The following PRKN variants were observed in gnomAD, a reference collection of about 807,000 sequenced individuals.
The protein encoded by PRKN is parkin RBR E3 ubiquitin protein ligase.
A neutral mutation model predicts 59.5 loss-of-function variants in PRKN; 56 were observed. That is an observed-to-expected ratio of 0.94 (90% confidence interval 0.76 to 1.18). PRKN has a LOEUF of 1.18. PRKN is among the 50% of genes most tolerant of loss of function. The pLI is 0.00. For missense variants in PRKN, 657 were observed against 596.4 expected (o/e 1.10, Z -1.06); for synonymous variants, 250 against 222.1 (o/e 1.13, Z -1.12).
chr6:162,690,232 T>C (rs962982314), intron 1 of PRKN, among the ~76,000 whole-genome samples: 1 of 152,044 alleles, frequency 6.6e-6, no homozygotes, highest in African/African-American at 2.4e-5. Flanking sequence ...AGGTGCCAAG[T>C]ACTATTCTAA....
intron 4 of PRKN, among the ~76,000 whole-genome samples, chr6:162,094,501 A>G (rs1284997035): frequency 6.6e-6 from 1 of 152,100 alleles, no homozygotes; most frequent in Non-Finnish European, 1.5e-5. Flanking sequence ...AAACAAATAA[A>G]GTAATTAATT....
chr6:161,641,020 G>C (rs983290842), intron 7 of PRKN, among the ~76,000 whole-genome samples: 18 of 152,212 alleles, frequency 1.2e-4, no homozygotes, highest in Non-Finnish European at 5.9e-5. Context: ...TATAGTGAAA[G>C]AGATCTGACC....
rs561456222 is a variant in PRKN at position 162,287,421 on chromosome 6, A to G, written c.172-24656T>C. On this transcript the variant is annotated intron_variant, in intron 2 of 11. Transcript: ENST00000366898. ...GTCTCTACAAAAAAATATAAAAATC[A>G]GCTGGGCATGGTGGCACATGCCTGT... 1.8e-4 allele frequency among the ~76,000 whole-genome samples: 28 copies of G among 152,196 alleles called. 1 individual carries two copies. In the East Asian group the frequency reaches 5.2e-3, roughly 28 times the overall value.
At chr6:162,457,056 C>T (rs1398027735) in intron 1 of PRKN, among the ~76,000 whole-genome samples, 1 of 152,168 alleles carries the variant, frequency 6.6e-6, no homozygotes, top group Non-Finnish European at 1.5e-5. Flanking sequence ...AACACTCAAC[C>T]TCAACTGAGA....
intron 7 of PRKN, among the ~76,000 whole-genome samples, chr6:161,680,768 TA>T (rs1447897624): frequency 0.022 from 440 of 19,888 alleles, 5 homozygotes; most frequent in Non-Finnish European, 0.032. Context: ...TATATATATA[TA>T]TATATATTTT....
chr6:161,351,113 T>C (rs1357040323), intron 11 of PRKN, among the ~76,000 whole-genome samples: 1 of 124,866 alleles, frequency 8.0e-6, no homozygotes, highest in Non-Finnish European at 1.6e-5. Context: ...ATTTAAAATA[T>C]ATATAAATAT....
chr6:161,595,106 T>C (rs566499900), intron 7 of PRKN, among the ~76,000 whole-genome samples: 18 of 152,362 alleles, frequency 1.2e-4, no homozygotes, highest in East Asian at 7.7e-4. Flanking sequence ...GTTGACTCCA[T>C]AGTGTGACTA....
At chr6:161,855,591 C>T (rs1255252212) in intron 6 of PRKN, among the ~76,000 whole-genome samples, 1 of 121,468 alleles carries the variant, frequency 8.2e-6, no homozygotes, top group Non-Finnish European at 1.8e-5. Context: ...CTATTGTTCA[C>T]TTTCATACTG....
chr6:161,478,358 C>G (rs532280831), intron 9 of PRKN, among the ~76,000 whole-genome samples: 1 of 152,278 alleles, frequency 6.6e-6, no homozygotes, highest in Non-Finnish European at 1.5e-5. Context: ...GAGATTTACA[C>G]ATTGTAGATG....
chr6:162,239,156 G>A (rs890079827), intron 3 of PRKN, among the ~76,000 whole-genome samples: 2 of 152,094 alleles, frequency 1.3e-5, no homozygotes, highest in African/African-American at 4.8e-5. Context: ...GGATTTGATG[G>A]TATGTAGTAA....
At chr6:161,693,687 T>A (rs1317352445) in intron 7 of PRKN, among the ~76,000 whole-genome samples, 2 of 152,202 alleles carry the variant, frequency 1.3e-5, no homozygotes, top group African/African-American at 4.8e-5. Flanking sequence ...CCCAATGTAA[T>A]CATCACGAAA....
In PRKN at chr6:162,424,563, G is replaced by A. The variant is rs915286741; in HGVS notation, c.171+18747C>T. 5.9e-5 allele frequency among the ~76,000 whole-genome samples: 9 copies of A among 151,904 alleles called. No homozygotes were observed. In the East Asian group the frequency reaches 1.2e-3, roughly 20 times the overall value. ...AGCCTGGCCAAGATGGTGAAATCCC[G>A]TCTCTACTAAAAATACAAAAAAATT... On this transcript the variant is annotated intron_variant, in intron 2 of 11. Coordinates refer to ENST00000366898, the MANE Select transcript of PRKN (RefSeq NM_004562.3).
At chr6:161,725,536 A>C (rs928031005) in intron 7 of PRKN, among the ~76,000 whole-genome samples, 12 of 152,184 alleles carry the variant, frequency 7.9e-5, no homozygotes, top group Non-Finnish European at 1.3e-4. Context: ...TTAAGGTACA[A>C]ATTTCAAAGA....
In PRKN at chr6:161,502,958, T is replaced by C. The variant is rs905290338; in HGVS notation, c.1083+45896A>G. On this transcript the variant is annotated intron_variant, in intron 9 of 11. Transcript: ENST00000366898. This position sits in a 1 kb window ranked among gnomAD's most constrained non-coding sequence, Gnocchi z 4.0. Reference sequence around the variant, plus strand: ...ATTGTAGGAGGAGAACAGCACTTACTTCATGCATTTGTGGCAAGGATTGAG... The same window carrying C: ...ATTGTAGGAGGAGAACAGCACTTACCTCATGCATTTGTGGCAAGGATTGAG... Among the ~76,000 whole-genome samples the C allele has an allele frequency of 1.6e-4, 24 of 152,326 alleles. No homozygotes were observed. The highest frequency in any genetic ancestry group is 5.8e-4 in the African/African-American group (24 of 41,586).
intron 6 of PRKN, among the ~76,000 whole-genome samples, chr6:161,967,189 T>C (rs544386401): frequency 9.9e-5 from 15 of 152,212 alleles, no homozygotes; most frequent in Middle Eastern, 3.2e-3. Context: ...ATCATGTACC[T>C]GAATTAAACT....
At position 162,466,235 on chromosome 6, in the gene PRKN, C is replaced by T. The variant is rs2128176027; in HGVS notation, c.8-22762G>A. On this transcript the variant is annotated intron_variant, in intron 1 of 11. Coordinates refer to ENST00000366898, the MANE Select transcript of PRKN (RefSeq NM_004562.3). ...TCAAGAAAATAACACTTTCCATTGC[C>T]TTTCTTTTTTTCCTTACAACCTGTG... is the stretch of plus-strand genomic sequence containing the variant. 1.3e-5 allele frequency among the ~76,000 whole-genome samples: 2 copies of T among 152,278 alleles called. 1 individual carries two copies. Among genetic ancestry groups the T allele is most frequent in the South Asian group, 4.1e-4 (2 of 4,822 alleles).
At chr6:162,190,529 G>A (rs1398399106) in intron 4 of PRKN, among the ~76,000 whole-genome samples, 1 of 152,174 alleles carries the variant, frequency 6.6e-6, no homozygotes. Context: ...TTCTCGCCGG[G>A]TGACCCAAGT....
At chr6:161,841,279 C>T (rs1471036384) in intron 6 of PRKN, among the ~76,000 whole-genome samples, 1 of 152,062 alleles carries the variant, frequency 6.6e-6, no homozygotes, top group Non-Finnish European at 1.5e-5. Context: ...GACAGAGTCT[C>T]TCCTTGACCC....
At chr6:162,415,342 G>A (rs1222981549) in intron 2 of PRKN, among the ~76,000 whole-genome samples, 1 of 152,126 alleles carries the variant, frequency 6.6e-6, no homozygotes, top group African/African-American at 2.4e-5. Flanking sequence ...TTGTGTGGAG[G>A]CAATCAAGTA....
Sources: gnomAD v4.1 joint callset for allele counts (sites outside exome capture counted in the v4.1 genomes callset) on GRCh38, gnomAD v4.1.1 for gene constraint, Gnocchi (gnomAD v3.1) non-coding constraint, MANE v1.5 for transcripts, NCBI Gene and HGNC (gene_info 2026-07-23, HGNC 2026-07-21) for gene names.